GALNT13: variants seen among roughly 807,000 people sequenced by gnomAD.
GALNT13 encodes polypeptide N-acetylgalactosaminyltransferase 13, also known as UDP-GalNAc:polypeptide N-acetylgalactosaminyltransferase 13.
GALNT13 carries 28 observed loss-of-function variants against 64.2 expected under a neutral mutation model. The ratio of observed to expected loss-of-function variants is 0.44; its 90% CI spans 0.32 to 0.60. The LOEUF (loss-of-function observed/expected upper bound fraction) is 0.60. Ranked by LOEUF, GALNT13 falls within the 20% of genes least tolerant of loss-of-function variation. The pLI is 0.05. For missense variants in GALNT13, 577 were observed against 669.8 expected (o/e 0.86, Z 1.53); for synonymous variants, 214 against 224.6 (o/e 0.95, Z 0.42).
the GALNT13 span, among the ~76,000 whole-genome samples, chr2:153,444,234 C>G: frequency 5.9e-5 from 9 of 152,166 alleles, no homozygotes; most frequent in Non-Finnish European, 1.2e-4. Flanking sequence ...CCTGCTTACA[C>G]AACTACCTAG....
chr2:153,399,270 T>G, the GALNT13 span, among the ~76,000 whole-genome samples: 1 of 152,006 alleles, frequency 6.6e-6, no homozygotes, highest in African/African-American at 2.4e-5. Context: ...TCTGTTCTGT[T>G]CCATTGATCT....
intron 4 of GALNT13, among the ~76,000 whole-genome samples, chr2:154,184,669 T>A (rs1686155235): frequency 6.6e-6 from 1 of 152,098 alleles, no homozygotes; most frequent in Non-Finnish European, 1.5e-5. Flanking sequence ...ATATAAGATG[T>A]ATGGCAAGAG....
the GALNT13 span, among the ~76,000 whole-genome samples, chr2:153,436,819 A>G: frequency 6.6e-6 from 1 of 151,874 alleles, no homozygotes; most frequent in Non-Finnish European, 1.5e-5. Flanking sequence ...TCATGTCTCT[A>G]TTTCCTTCAG....
At chr2:154,449,604 A>T (rs1012169454) in intron 12 of GALNT13, among the ~76,000 whole-genome samples, 2 of 151,770 alleles carry the variant, frequency 1.3e-5, no homozygotes, top group African/African-American at 4.8e-5. Context: ...ATTGCCCATG[A>T]AATAGCAGAA....
chr2:153,345,216 A>G, the GALNT13 span, among the ~76,000 whole-genome samples: 1 of 152,202 alleles, frequency 6.6e-6, no homozygotes, highest in Non-Finnish European at 1.5e-5. Context: ...ATTATGAAAT[A>G]GTTGATTCCA....
chr2:153,205,087 A>G, the GALNT13 span, among the ~76,000 whole-genome samples: 4 of 151,956 alleles, frequency 2.6e-5, no homozygotes, highest in Non-Finnish European at 4.4e-5. Flanking sequence ...GGAACATGAT[A>G]CTCATGGTGA....
intron 4 of GALNT13, among the ~76,000 whole-genome samples, chr2:154,165,951 A>C (rs1684998665): frequency 6.6e-6 from 1 of 152,230 alleles, no homozygotes; most frequent in Non-Finnish European, 1.5e-5. Flanking sequence ...ATCTTTGGGC[A>C]CAAGGTGTTT....
At chr2:153,646,916 A>G in the GALNT13 span, among the ~76,000 whole-genome samples, 1 of 152,170 alleles carries the variant, frequency 6.6e-6, no homozygotes, top group East Asian at 1.9e-4. Flanking sequence ...TAGTGCCGCA[A>G]TAAACATACG....
chr2:153,976,715 G>T (rs1694100871), intron 3 of GALNT13, among the ~76,000 whole-genome samples: 2 of 151,436 alleles, frequency 1.3e-5, no homozygotes, highest in Non-Finnish European at 2.9e-5. Flanking sequence ...CGATTATGTT[G>T]GGTTACTTAT....
chr2:153,689,120 G>C, the GALNT13 span, among the ~76,000 whole-genome samples: 8 of 143,782 alleles, frequency 5.6e-5, no homozygotes, highest in Non-Finnish European at 1.1e-4. Flanking sequence ...AGTAGATATT[G>C]CTAAACCATT....
At chr2:153,908,704 G>A (rs1688742922) in intron 2 of GALNT13, among the ~76,000 whole-genome samples, 1 of 151,882 alleles carries the variant, frequency 6.6e-6, no homozygotes, top group South Asian at 2.1e-4. Context: ...ATGGTTGTAG[G>A]TGTGCAGCCT....
chr2:153,760,984 T>G, the GALNT13 span, among the ~76,000 whole-genome samples: 1 of 152,134 alleles, frequency 6.6e-6, no homozygotes. Context: ...TGTAATAACC[T>G]TCTTTATCTT....
At chr2:153,814,994 CT>C in the GALNT13 span, among the ~76,000 whole-genome samples, 1 of 152,170 alleles carries the variant, frequency 6.6e-6, no homozygotes, top group African/African-American at 2.4e-5. Flanking sequence ...ATTCAACCCC[CT>C]GTAAATATTA....
chr2:153,458,509 A>G, the GALNT13 span, among the ~76,000 whole-genome samples: 1 of 152,008 alleles, frequency 6.6e-6, no homozygotes, highest in South Asian at 2.1e-4. Flanking sequence ...TTTAACATTT[A>G]TACTTTGGGA....
chr2:153,630,812 T>TTTA, the GALNT13 span, among the ~76,000 whole-genome samples: 1 of 35,248 alleles, frequency 2.8e-5, no homozygotes, highest in East Asian at 1.1e-3. Flanking sequence ...TATATATTTT[T>TTTA]TTTTTTTTTT....
chr2:153,167,776 T>G, the GALNT13 span, among the ~76,000 whole-genome samples: 1 of 152,148 alleles, frequency 6.6e-6, no homozygotes, highest in Non-Finnish European at 1.5e-5. Context: ...AAAGGCTGCT[T>G]CTATGGGCTA....
intron 1 of GALNT13, among the ~76,000 whole-genome samples, chr2:153,884,793 GTATATA>G (rs368640974): frequency 8.4e-5 from 5 of 59,826 alleles, no homozygotes; most frequent in Admixed American, 5.5e-4. Context: ...ATATGTGTGT[GTATATA>G]TATATATGTG....
intron 9 of GALNT13, among the ~76,000 whole-genome samples, chr2:154,310,993 AATAT>A (rs1034565285): frequency 6.6e-6 from 1 of 151,928 alleles, no homozygotes; most frequent in Non-Finnish European, 1.5e-5. Flanking sequence ...ATATTCTATG[AATAT>A]ATATGAATGA....
the GALNT13 span, among the ~76,000 whole-genome samples, chr2:153,475,669 C>T: frequency 6.6e-6 from 1 of 152,162 alleles, no homozygotes; most frequent in African/African-American, 2.4e-5. Context: ...TAAGCATGTG[C>T]CCGTACACAG....
Sources: allele counts gnomAD v4.1 joint callset (sites outside exome capture counted in the v4.1 genomes callset), GRCh38; gene constraint gnomAD v4.1.1; transcripts MANE v1.5; gene names NCBI Gene and HGNC (gene_info 2026-07-23, HGNC 2026-07-21).